The following EYA2 variants were observed in gnomAD, a reference collection of about 807,000 sequenced individuals.
The protein encoded by EYA2 is EYA transcriptional coactivator and phosphatase 2.
EYA2 carries 31 observed loss-of-function variants against 69.2 expected under a neutral mutation model. The observed-to-expected ratio is 0.45, with a 90% CI of 0.34 to 0.60. The LOEUF (loss-of-function observed/expected upper bound fraction) is 0.60. Ranked by LOEUF, EYA2 falls within the 20% of genes least tolerant of loss-of-function variation. The pLI is 0.02. For missense variants in EYA2, 622 were observed against 701.2 expected (o/e 0.89, Z 1.28); for synonymous variants, 257 against 279.4 (o/e 0.92, Z 0.80).
At chr20:47,060,608 A>T (rs2030834918) in intron 5 of EYA2, among the ~76,000 whole-genome samples, 1 of 152,252 alleles carries the variant, frequency 6.6e-6, no homozygotes, top group South Asian at 2.1e-4. Context: ...TGGGAGGCCA[A>T]GTGGTATCTG....
chr20:46,940,614 C>T (rs1986113754), intron 1 of EYA2, among the ~76,000 whole-genome samples: 1 of 152,232 alleles, frequency 6.6e-6, no homozygotes, highest in Admixed American at 6.5e-5. Context: ...GCAGCCAGGA[C>T]CAAGGCCCAG....
intron 15 of EYA2, 52 bp from the exon 16 acceptor site, chr20:47,188,001 C>T (rs3818014): frequency 0.49 from 756,407 of 1,539,846 alleles, 190,591 homozygotes; most frequent in African/African-American, 0.81. Context: ...AGGCGTGGAA[C>T]CCGGGGGCAG....
intron 3 of EYA2, chr20:47,004,725 C>T (rs1982596076): frequency 3.1e-6 from 2 of 641,554 alleles, no homozygotes; most frequent in South Asian, 1.8e-5. Flanking sequence ...GGGCTGAACC[C>T]AGTCACACGG....
At chr20:47,179,969 G>A in intron 13 of EYA2, 57 bp downstream of exon 13, 1 of 1,221,400 alleles carries the variant, frequency 8.2e-7, no homozygotes, top group Non-Finnish European at 1.2e-6. Flanking sequence ...AGTAGACAGT[G>A]GTGGCTCCTG....
intron 9 of EYA2, among the ~76,000 whole-genome samples, chr20:47,104,283 G>T (rs1031842488): frequency 5.3e-5 from 8 of 151,972 alleles, no homozygotes; most frequent in Non-Finnish European, 1.2e-4. Context: ...ATTTTTAATT[G>T]GTTTGTCTTT....
chr20:47,024,107 A>G (rs551547715), intron 5 of EYA2, among the ~76,000 whole-genome samples: 3 of 152,320 alleles, frequency 2.0e-5, no homozygotes, highest in African/African-American at 7.2e-5. Context: ...GTCGAAAATC[A>G]TATTTTTCTG....
intron 1 of EYA2, among the ~76,000 whole-genome samples, chr20:46,976,664 C>T (rs6018214): frequency 0.036 from 5,449 of 152,284 alleles, 147 homozygotes; most frequent in Middle Eastern, 0.058. Flanking sequence ...GGATTACAGG[C>T]GTGAGCCACC....
At chr20:46,926,021 A>T (rs1568669705) in intron 1 of EYA2, among the ~76,000 whole-genome samples, 1 of 152,098 alleles carries the variant, frequency 6.6e-6, no homozygotes, top group African/African-American at 2.4e-5. Context: ...TTTGATAAAA[A>T]CCCCTGGAAA....
At chr20:46,970,421 G>A (rs1236531638) in intron 1 of EYA2, among the ~76,000 whole-genome samples, 1 of 152,254 alleles carries the variant, frequency 6.6e-6, no homozygotes, top group Middle Eastern at 3.4e-3. Context: ...ACAACTCGGG[G>A]AGAGGGCAGC....
chr20:47,075,638 G>A (rs1267114940), intron 7 of EYA2, among the ~76,000 whole-genome samples: 2 of 152,240 alleles, frequency 1.3e-5, no homozygotes, highest in African/African-American at 2.4e-5. Flanking sequence ...CAAGTATAGC[G>A]ACTCAGGGTC....
intron 1 of EYA2, among the ~76,000 whole-genome samples, chr20:46,900,079 TTTC>T (rs1176061792): frequency 2.0e-5 from 3 of 152,240 alleles, no homozygotes; most frequent in East Asian, 3.8e-4. Context: ...GGCATTGCAC[TTTC>T]TTCTTCTTTT....
At chr20:46,957,959 G>A (rs1979237677) in intron 1 of EYA2, among the ~76,000 whole-genome samples, 1 of 152,122 alleles carries the variant, frequency 6.6e-6, no homozygotes, top group South Asian at 2.1e-4. Context: ...CCTTCCCAGT[G>A]GTCATGAGCT....
At chr20:46,956,239 A>G (rs1290049227) in intron 1 of EYA2, among the ~76,000 whole-genome samples, 1 of 152,268 alleles carries the variant, frequency 6.6e-6, no homozygotes, top group African/African-American at 2.4e-5. Context: ...CATCAGTGAT[A>G]TTCATGGAAT....
At chr20:47,141,521 G>A (rs939386861) in intron 9 of EYA2, among the ~76,000 whole-genome samples, 5 of 152,148 alleles carry the variant, frequency 3.3e-5, no homozygotes, top group African/African-American at 7.2e-5. Flanking sequence ...CATGTGTATC[G>A]GTTAGGATAG....
chr20:46,979,875 T>G (rs533689209), intron 1 of EYA2: 2 of 152,348 alleles, frequency 1.3e-5, no homozygotes, highest in Non-Finnish European at 2.9e-5. Context: ...CTTCTCTGAC[T>G]CATTTTTCTC....
chr20:47,046,216 A>G (rs776456870), intron 5 of EYA2, among the ~76,000 whole-genome samples: 12 of 152,302 alleles, frequency 7.9e-5, no homozygotes, highest in Non-Finnish European at 1.3e-4. Context: ...GGCTTCTTTT[A>G]TAATCACCTT....
At chr20:47,004,047 TTAAG>T in intron 3 of EYA2, among the ~76,000 whole-genome samples, 1 of 152,290 alleles carries the variant, frequency 6.6e-6, no homozygotes, top group South Asian at 2.1e-4. Context: ...TATAAATATC[TTAAG>T]TAAGGAGCCC....
chr20:47,049,639 C>T (rs1218200430), intron 5 of EYA2, among the ~76,000 whole-genome samples: 3 of 150,896 alleles, frequency 2.0e-5, no homozygotes. Context: ...TCCAGCTTCG[C>T]CTTCCGCCAT....
intron 2 of EYA2, among the ~76,000 whole-genome samples, chr20:46,996,022 A>T (rs542172568): frequency 3.8e-4 from 58 of 152,196 alleles, no homozygotes; most frequent in Non-Finnish European, 6.8e-4. Context: ...TTTGGATCTG[A>T]CCCCTTAAGC....
Sources: gnomAD v4.1 joint callset for allele counts (sites outside exome capture counted in the v4.1 genomes callset) on GRCh38, gnomAD v4.1.1 for gene constraint, MANE v1.5 for transcripts, NCBI Gene and HGNC (gene_info 2026-07-23, HGNC 2026-07-21) for gene names.